The following DIP2C variants were observed in gnomAD, a reference collection of about 807,000 sequenced individuals.
The protein encoded by DIP2C is DIP2 acetate--CoA ligase C (putative).
In DIP2C, 33 loss-of-function variants were observed where a neutral mutation model predicts 192.4. The ratio of observed to expected loss-of-function variants is 0.17; its 90% confidence interval spans 0.13 to 0.23. The LOEUF (loss-of-function observed/expected upper bound fraction) is 0.23. Ranked by LOEUF, DIP2C falls within the 10% of genes least tolerant of loss-of-function variation. The pLI, the probability that DIP2C is intolerant of heterozygous loss-of-function variation, is 1.00. For synonymous variants in DIP2C, 979 were observed against 864.1 expected, an observed-to-expected ratio of 1.13 and a Z score of -2.33; for missense variants, 1,537 against 2,110.1, an observed-to-expected ratio of 0.73 and a Z score of 5.32.
At chr10:419,328 C>T (rs568045500) in intron 5 of DIP2C, 129 bp from the exon 6 acceptor site, 46 of 1,321,204 alleles carry the variant, frequency 3.5e-5, no homozygotes, top group African/African-American at 3.3e-4. Flanking sequence ...AAGCCAGAGC[C>T]GATCTCAGCC....
intron 29 of DIP2C, chr10:340,754 G>A (rs908013910): frequency 2.2e-6 from 1 of 457,618 alleles, no homozygotes; most frequent in Non-Finnish European, 4.4e-6. Context: ...GCACCCCAGG[G>A]AACGCTCAGC....
At chr10:350,881 C>T (rs1034057726) in intron 24 of DIP2C, among the ~76,000 whole-genome samples, 34 of 152,154 alleles carry the variant, frequency 2.2e-4, no homozygotes, top group Non-Finnish European at 4.1e-4. Context: ...CTCCTGACCT[C>T]ATGATCCGCC....
intron 1 of DIP2C, among the ~76,000 whole-genome samples, chr10:653,761 A>G (rs1311721811): frequency 6.6e-6 from 1 of 152,208 alleles, no homozygotes; most frequent in Non-Finnish European, 1.5e-5. Flanking sequence ...ACCTCCGAGG[A>G]CTCAGCAATC....
Position 460,672 on chromosome 10 carries a change from C to T in DIP2C, c.268+11767G>A, listed in dbSNP as rs1447390395. Among the ~76,000 whole-genome samples the T allele has an allele frequency of 3.3e-5, 5 of 152,160 alleles. No individual in the cohort carries two copies. In the East Asian group the frequency reaches 9.6e-4, roughly 29 times the overall value. On this transcript the variant is annotated intron_variant, in intron 3 of 36. Transcript: ENST00000280886. ...GGAGAACTTCCCCAACCAACCAAGA[C>T]AGGCCCACATTCAAATTGAGAAATA...
chr10:420,333 G>A (rs745603054), intron 5 of DIP2C, among the ~76,000 whole-genome samples: 4 of 152,216 alleles, frequency 2.6e-5, no homozygotes, highest in Non-Finnish European at 4.4e-5. Context: ...ACACGGCGTC[G>A]GCCCCTCCTG....
chr10:530,502 T>A (rs1847301786), intron 1 of DIP2C, among the ~76,000 whole-genome samples: 1 of 149,478 alleles, frequency 6.7e-6, no homozygotes, highest in Non-Finnish European at 1.5e-5. Context: ...AGGAGTAGGG[T>A]TTTTAAACTG....
intron 16 of DIP2C, 102 bp downstream of exon 16, chr10:383,925 G>GA: frequency 2.2e-6 from 3 of 1,354,484 alleles, no homozygotes; most frequent in Non-Finnish European, 2.9e-6. Context: ...GAAACCTGGG[G>GA]AAAAAATAAA....
At chr10:399,073 C>T (rs1210632178) in intron 10 of DIP2C, 36 bp downstream of exon 10, 4 of 1,557,806 alleles carry the variant, frequency 2.6e-6, no homozygotes, top group Non-Finnish European at 3.5e-6. Flanking sequence ...AGCCATCTCA[C>T]TCAGCGAGAA....
intron 25 of DIP2C, 42 bp from the exon 26 acceptor site, chr10:348,804 T>A (rs1357982027): frequency 6.2e-7 from 1 of 1,608,606 alleles, no homozygotes; most frequent in Non-Finnish European, 8.5e-7. Flanking sequence ...CAGACCACGC[T>A]GCTGAGTGCA....
At chr10:419,964 G>A (rs1382451662) in intron 5 of DIP2C, among the ~76,000 whole-genome samples, 2 of 152,300 alleles carry the variant, frequency 1.3e-5, no homozygotes, top group African/African-American at 4.8e-5. Context: ...CATTGAGGAA[G>A]ATGTGCCAAG....
intron 3 of DIP2C, among the ~76,000 whole-genome samples, chr10:466,771 C>T (rs1434649030): frequency 6.6e-6 from 1 of 150,626 alleles, no homozygotes; most frequent in African/African-American, 2.4e-5. Context: ...AGCCAAAAAA[C>T]ACATGAAAAA....
chr10:361,042 C>G (rs1286159151), intron 22 of DIP2C, among the ~76,000 whole-genome samples: 2 of 152,126 alleles, frequency 1.3e-5, no homozygotes, highest in East Asian at 3.9e-4. Context: ...TGCTAAGCTG[C>G]GTATCAGGCC....
chr10:334,838 A>G (rs1386935920), intron 29 of DIP2C, among the ~76,000 whole-genome samples: 2 of 152,244 alleles, frequency 1.3e-5, no homozygotes, highest in Non-Finnish European at 2.9e-5. Flanking sequence ...CAGCTTTGCA[A>G]TATTTTTGAA....
At chr10:385,667 CAG>C (rs1472045263) in intron 14 of DIP2C, among the ~76,000 whole-genome samples, 3 of 152,198 alleles carry the variant, frequency 2.0e-5, no homozygotes, top group African/African-American at 7.2e-5. Flanking sequence ...CTGCTGCACA[CAG>C]AGGCTGGGAC....
intron 31 of DIP2C, among the ~76,000 whole-genome samples, chr10:313,615 G>A (rs534800098): frequency 1.8e-4 from 27 of 152,306 alleles, no homozygotes; most frequent in Non-Finnish European, 2.1e-4. Context: ...GATGTGCATG[G>A]GTTCTATGCA....
chr10:415,329 G>A (rs1465190360), intron 7 of DIP2C, among the ~76,000 whole-genome samples: 2 of 152,088 alleles, frequency 1.3e-5, no homozygotes, highest in Non-Finnish European at 2.9e-5. Context: ...TAAGTTGTTT[G>A]TCTAAAAAGA....
chr10:479,151 C>G (rs2133499988), intron 2 of DIP2C, among the ~76,000 whole-genome samples: 1 of 152,254 alleles, frequency 6.6e-6, no homozygotes, highest in Non-Finnish European at 1.5e-5. Flanking sequence ...CATCGTAAAA[C>G]TTTCTAAAAT....
chr10:541,208 CCT>C (rs1847966589), intron 1 of DIP2C, among the ~76,000 whole-genome samples: 1 of 152,060 alleles, frequency 6.6e-6, no homozygotes, highest in Non-Finnish European at 1.5e-5. Context: ...ATTCATGGAC[CCT>C]GAGTCCGGCC....
chr10:399,955 A>C (rs1031412287), intron 9 of DIP2C, among the ~76,000 whole-genome samples: 1 of 152,236 alleles, frequency 6.6e-6, no homozygotes, highest in Admixed American at 6.5e-5. Context: ...AGCCTCTCTT[A>C]AGAACTAAGT....
Sources: allele counts gnomAD v4.1 joint callset (sites outside exome capture counted in the v4.1 genomes callset), GRCh38; gene constraint gnomAD v4.1.1; transcripts MANE v1.5; gene names NCBI Gene and HGNC (gene_info 2026-07-23, HGNC 2026-07-21).